The following SLC30A9 variants were observed in gnomAD, a reference collection of about 807,000 sequenced individuals.
The protein encoded by SLC30A9 is proton-coupled zinc antiporter SLC30A9, mitochondrial.
Under a neutral mutation model 87.5 loss-of-function variants are expected in SLC30A9, and 58 were observed. That is an observed-to-expected ratio of 0.66 (90% CI 0.54 to 0.82). The LOEUF is 0.82. Among genes scored for constraint, SLC30A9 ranks in the 40% least tolerant of loss-of-function variants. The probability of loss-of-function intolerance (pLI) is 0.00; values close to 1 mark genes in which losing one functional copy is unlikely to be tolerated. For missense variants in SLC30A9, 557 were observed against 679.1 expected, an observed-to-expected ratio of 0.82 and a Z score of 2.00; for synonymous variants, 234 against 233.0, an observed-to-expected ratio of 1.00 and a Z score of -0.04.
chr4:42,062,967 ATTCTT>A lies in SLC30A9; in HGVS notation c.897-14_897-10del, dbSNP rs147681937. 1,014 of 1,583,124 alleles carry A rather than the reference ATTCTT, an allele frequency of 6.4e-4. 5 individuals carry two copies. The African/African-American group carries it at 0.012, about 19-fold the overall frequency. The stretch of plus-strand genomic sequence containing the variant: ...ACCATTTGTATTTCTTGCGAACTAT[ATTCTT>A]TTCTATTTTTCAGGTACGGATTTTC... On this transcript the variant is annotated splice_polypyrimidine_tract_variant and intron_variant, in intron 10 of 17. Coordinates refer to ENST00000264451, the MANE Select transcript of SLC30A9 (RefSeq NM_006345.4).
intron 6 of SLC30A9, among the ~76,000 whole-genome samples, chr4:42,034,971 C>A (rs1716618577): frequency 1.3e-5 from 2 of 152,008 alleles, no homozygotes; most frequent in Admixed American, 6.6e-5. Flanking sequence ...TAATAGTAGC[C>A]ATCCTAATGG....
intron 11 of SLC30A9, 67 bp from the exon 12 acceptor site, chr4:42,065,243 C>G: frequency 1.2e-6 from 1 of 852,054 alleles, no homozygotes. Flanking sequence ...ACATTACGGA[C>G]TTTATATATG....
intron 15 of SLC30A9, among the ~76,000 whole-genome samples, chr4:42,074,485 A>C (rs1304099204): frequency 6.6e-6 from 1 of 152,210 alleles, no homozygotes; most frequent in Non-Finnish European, 1.5e-5. Flanking sequence ...ACTGAGGGTT[A>C]GAGCAGGAGG....
chr4:42,073,385 T>C (rs1350627287), intron 15 of SLC30A9, among the ~76,000 whole-genome samples: 1 of 152,202 alleles, frequency 6.6e-6, no homozygotes, highest in Non-Finnish European at 1.5e-5. Context: ...AGAGTGAATA[T>C]CTGTGGATTC....
At chr4:42,075,366 G>A (rs1057020686) in intron 15 of SLC30A9, among the ~76,000 whole-genome samples, 2 of 151,614 alleles carry the variant, frequency 1.3e-5, no homozygotes, top group Non-Finnish European at 2.9e-5. Context: ...GAGCCACTGC[G>A]CCCAGCAGAG....
intron 2 of SLC30A9, among the ~76,000 whole-genome samples, chr4:42,005,244 A>G (rs1715153456): frequency 6.6e-6 from 1 of 152,088 alleles, no homozygotes; most frequent in Admixed American, 6.5e-5. Context: ...TGGACTGAAA[A>G]TGACTTTCTG....
At chr4:42,009,024 T>G (rs1715332426) in intron 2 of SLC30A9, among the ~76,000 whole-genome samples, 1 of 152,094 alleles carries the variant, frequency 6.6e-6, no homozygotes, top group Non-Finnish European at 1.5e-5. Flanking sequence ...GGAAAAGAAA[T>G]AGTGATGAAA....
At chr4:42,082,242 AATAAAATAAAG>A (rs1718769046) in intron 17 of SLC30A9, among the ~76,000 whole-genome samples, 1 of 151,928 alleles carries the variant, frequency 6.6e-6, no homozygotes, top group South Asian at 2.1e-4. Flanking sequence ...AAATAAATAA[AATAAAATAAAG>A]ATAATAAAGC....
intron 10 of SLC30A9, 137 bp from the exon 11 acceptor site, chr4:42,062,849 G>A (rs1352811219): frequency 3.9e-5 from 27 of 696,072 alleles, no homozygotes; most frequent in Non-Finnish European, 5.5e-5. Flanking sequence ...TTTCAAGTTT[G>A]GCACTTAACA....
intron 7 of SLC30A9, 139 bp downstream of exon 7, chr4:42,035,472 C>G: frequency 1.2e-6 from 1 of 805,064 alleles, no homozygotes; most frequent in Non-Finnish European, 1.8e-6. Flanking sequence ...GAATTATAGT[C>G]AATTCATTCA....
chr4:42,029,193 CTGACCCGCTGTTGCCA>C, intron 6 of SLC30A9: 1 of 383,910 alleles, frequency 2.6e-6, no homozygotes. Flanking sequence ...GCGGCAGCTG[CTGACCCGCTGTTGCCA>C]TGACCTGCAG....
chr4:42,039,540 G>A (rs1716832207), intron 8 of SLC30A9, among the ~76,000 whole-genome samples: 1 of 149,880 alleles, frequency 6.7e-6, no homozygotes, highest in Non-Finnish European at 1.5e-5. Context: ...TCAGCTCACT[G>A]CAATCTCTGC....
At position 42,022,894 on chromosome 4, in the gene SLC30A9, C is replaced by A; in HGVS notation, c.491C>A (p.Ser164Tyr). 1.3e-6 allele frequency: 2 copies of A among 1,599,542 alleles called. No individual in the cohort carries two copies. Among genetic ancestry groups the A allele is most frequent in the Admixed American group, 1.7e-5 (1 of 59,130 alleles). ...CGAAGTCCCCATGAAGATACTGAGT[C>A]TTTTACTGTATACTTGAGATCAGAT... is the stretch of plus-strand genomic sequence containing the variant. The part of the protein sequence containing the change: ...RRRSPHEDTE[S>Y]FTVYLRSDVE... Residue 164 changes from serine (S) to tyrosine (Y), a missense_variant, in exon 5 of 18, where the codon TCT (serine) becomes TAT (tyrosine). Transcript: ENST00000264451.
At chr4:42,055,398 A>G (rs2153139162) in intron 9 of SLC30A9, among the ~76,000 whole-genome samples, 1 of 151,320 alleles carries the variant, frequency 6.6e-6, no homozygotes, top group South Asian at 2.1e-4. Context: ...TTTATTACTT[A>G]TTTTTTGAGA....
At chr4:42,071,882 G>A (rs1188986552) in intron 15 of SLC30A9, among the ~76,000 whole-genome samples, 1 of 152,126 alleles carries the variant, frequency 6.6e-6, no homozygotes, top group African/African-American at 2.4e-5. Flanking sequence ...ATTGGTGTTA[G>A]CTTCTTTAAA....
chr4:42,064,765 A>C (rs1158332302), intron 11 of SLC30A9, among the ~76,000 whole-genome samples: 3 of 152,166 alleles, frequency 2.0e-5, no homozygotes. Context: ...GCCCTTTTTA[A>C]AATAGTGTTG....
At chr4:42,077,919 G>T (rs1560562149) in intron 16 of SLC30A9, among the ~76,000 whole-genome samples, 2 of 151,494 alleles carry the variant, frequency 1.3e-5, no homozygotes, top group South Asian at 4.2e-4. Flanking sequence ...TATTTTAATG[G>T]TCTGACATAG....
rs543277917 is a variant in SLC30A9 at position 41,998,568 on chromosome 4, A to G, written c.110-3048A>G. 2.6e-5 allele frequency among the ~76,000 whole-genome samples: 4 copies of G among 151,596 alleles called. No individual in the cohort carries two copies. The East Asian group carries it at 7.8e-4, about 30-fold the overall frequency. ...AACCTCCGCCTCCCGGGTTCAAGCG[A>G]TTCTCCTGCCTCAGCCTCCCGCATA... On this transcript the variant is annotated intron_variant, in intron 1 of 17. Transcript: ENST00000264451.
rs1719004903 is a variant in SLC30A9, at chr4:42,088,613, G to C, written c.*2487G>C. On this transcript the variant is annotated 3_prime_UTR_variant, in exon 18 of 18. Coordinates refer to ENST00000264451, the MANE Select transcript of SLC30A9 (RefSeq NM_006345.4). The stretch of plus-strand genomic sequence containing the variant: ...ATAGCCAGAGGAAGAGCAAGAGGCG[G>C]GGATTGGGGGTAGGTGCCACACTCT... 1 of 152,512 alleles carries C rather than the reference G, an allele frequency of 6.6e-6. No homozygotes were observed. The highest frequency in any genetic ancestry group is 1.5e-5 in the Non-Finnish European group (1 of 68,316). 9.4% of individuals were successfully genotyped at this position (152,512 alleles called of 1,614,324 possible). A position where few individuals can be genotyped will look rare whatever the true frequency, so the allele number is the denominator to read the frequency against.
Sources: allele counts gnomAD v4.1 joint callset (sites outside exome capture counted in the v4.1 genomes callset), GRCh38; gene constraint gnomAD v4.1.1; transcripts MANE v1.5; gene names NCBI Gene and HGNC (gene_info 2026-07-23, HGNC 2026-07-21).